Variants in SRPK2 observed in about 807,000 individuals in gnomAD.
The protein encoded by SRPK2 is SRSF protein kinase 2.
In SRPK2, 21 loss-of-function variants were observed where a neutral mutation model predicts 90.8. The ratio of observed to expected loss-of-function variants is 0.23; its 90% confidence interval spans 0.16 to 0.33. The LOEUF is 0.33. SRPK2 is among the 10% of genes least tolerant of loss of function. SRPK2 has a pLI of 1.00. For missense variants in SRPK2, 620 were observed against 869.0 expected, an observed-to-expected ratio of 0.71 and a Z score of 3.60; for synonymous variants, 288 against 311.1, an observed-to-expected ratio of 0.93 and a Z score of 0.78.
intron 15 of SRPK2, among the ~76,000 whole-genome samples, chr7:105,122,545 G>T (rs1315846488): frequency 6.6e-6 from 1 of 152,158 alleles, no homozygotes; most frequent in Non-Finnish European, 1.5e-5. Flanking sequence ...AGCATCAAAA[G>T]AATCTGTTGC....
At chr7:105,170,924 A>AAGGAG (rs1790927552) in intron 3 of SRPK2, among the ~76,000 whole-genome samples, 3 of 109,408 alleles carry the variant, frequency 2.7e-5, no homozygotes, top group Admixed American at 1.0e-4. Context: ...AGGAGAAAGA[A>AAGGAG]AAAGAAAAAG....
chr7:105,181,719 G>A (rs1187732049), intron 3 of SRPK2, among the ~76,000 whole-genome samples: 1 of 152,008 alleles, frequency 6.6e-6, no homozygotes, highest in Admixed American at 6.6e-5. Context: ...GCATACTTGA[G>A]GATGGAGGGT....
In SRPK2 at chr7:105,125,914, A is replaced by G. The variant is rs144730303; in HGVS notation, c.1915+334T>C. On this transcript the variant is annotated intron_variant, in intron 15 of 15. Transcript: ENST00000393651. The stretch of plus-strand genomic sequence containing the variant: ...ATTGCCAGCAAAACAGAAACACACG[A>G]CAGTTTAATCAGTACACTGCATGCA... 6.6e-5 allele frequency: 73 copies of G among 1,104,688 alleles called. No homozygotes were observed. The East Asian group carries it at 3.0e-3, about 45-fold the overall frequency. 68.4% of individuals were successfully genotyped at this position (1,104,688 alleles called of 1,614,324 possible).
chr7:105,154,876 T>C (rs1806268607), intron 7 of SRPK2, among the ~76,000 whole-genome samples: 2 of 151,898 alleles, frequency 1.3e-5, no homozygotes. Context: ...GGTTTCACCA[T>C]ATTGGTCAGG....
intron 13 of SRPK2, among the ~76,000 whole-genome samples, chr7:105,127,846 AATAAGCTAAATCCC>A (rs1385049156): frequency 2.6e-5 from 4 of 152,250 alleles, no homozygotes; most frequent in African/African-American, 9.6e-5. Flanking sequence ...AGAAAAAAAG[AATAAGCTAAATCCC>A]ATTTCTGGTT....
chr7:105,307,439 C>G (rs1398862157), intron 2 of SRPK2, among the ~76,000 whole-genome samples: 1 of 152,220 alleles, frequency 6.6e-6, no homozygotes, highest in Non-Finnish European at 1.5e-5. Flanking sequence ...TGAACAGAAT[C>G]ACTGACCAGC....
chr7:105,251,692 T>C (rs4730074), intron 2 of SRPK2, among the ~76,000 whole-genome samples: 143,926 of 152,320 alleles, frequency 0.94, 68,068 homozygotes, highest in African/African-American at 0.98. Context: ...TGTGCTGGTC[T>C]CAGGAAAAAG....
intron 2 of SRPK2, among the ~76,000 whole-genome samples, chr7:105,209,693 AAAAGG>A (rs1796624895): frequency 1.3e-5 from 2 of 152,088 alleles, no homozygotes; most frequent in Admixed American, 1.3e-4. Context: ...AGAAAAAAGA[AAAAGG>A]AAAGAGAAAG....
chr7:105,381,078 T>C (rs904759345), intron 2 of SRPK2, among the ~76,000 whole-genome samples: 17 of 149,636 alleles, frequency 1.1e-4, no homozygotes, highest in Admixed American at 6.7e-5. Context: ...CAGGCTCTAC[T>C]AAAAATACAA....
intron 2 of SRPK2, among the ~76,000 whole-genome samples, chr7:105,314,268 G>T (rs565567573): frequency 2.2e-4 from 33 of 152,052 alleles, no homozygotes; most frequent in Admixed American, 1.9e-3. Context: ...GGAGGCAGAG[G>T]TTACACTGAG....
intron 13 of SRPK2, among the ~76,000 whole-genome samples, chr7:105,131,843 G>A (rs572827623): frequency 2.6e-4 from 40 of 152,222 alleles, no homozygotes; most frequent in Middle Eastern, 3.4e-3. Flanking sequence ...AAGCAGTATG[G>A]AATAGGAAAA....
chr7:105,320,763 G>T (rs910077579), intron 2 of SRPK2, among the ~76,000 whole-genome samples: 1 of 151,958 alleles, frequency 6.6e-6, no homozygotes, highest in Non-Finnish European at 1.5e-5. Flanking sequence ...TGAAAAATCA[G>T]ACCTTGGCAA....
At chr7:105,250,306 C>T (rs1435146331) in intron 2 of SRPK2, among the ~76,000 whole-genome samples, 1 of 152,074 alleles carries the variant, frequency 6.6e-6, no homozygotes, top group Non-Finnish European at 1.5e-5. Flanking sequence ...TGCCATTACA[C>T]TCCAGCCTGG....
chr7:105,125,607 C>G (rs944446505), intron 15 of SRPK2, among the ~76,000 whole-genome samples: 11 of 152,200 alleles, frequency 7.2e-5, no homozygotes, highest in Admixed American at 7.2e-4. Flanking sequence ...TGTTCTCTTA[C>G]AAAATTCTTA....
At chr7:105,322,282 G>A (rs1191618545) in intron 2 of SRPK2, among the ~76,000 whole-genome samples, 2 of 152,028 alleles carry the variant, frequency 1.3e-5, no homozygotes, top group African/African-American at 2.4e-5. Context: ...CCGGGCATAG[G>A]GGCATGTGCC....
At chr7:105,233,091 A>AGAAGGAAG (rs60327841) in intron 2 of SRPK2, among the ~76,000 whole-genome samples, 11,598 of 91,564 alleles carry the variant, frequency 0.13, 962 homozygotes, top group Non-Finnish European at 0.16. Context: ...AAGGAAGGAA[A>AGAAGGAAG]GAAGGAAGGA....
chr7:105,338,080 TA>T lies in SRPK2; in HGVS notation c.71+50567del, dbSNP rs34625808. Among the ~76,000 whole-genome samples, 529 of 140,438 alleles carry T rather than the reference TA, an allele frequency of 3.8e-3. 1 individual carries two copies. Among genetic ancestry groups the T allele is most frequent in the African/African-American group, 4.9e-3 (186 of 37,852 alleles). The allele number at this position is 140,438 out of a possible 152,430, so 92.1% of individuals were successfully genotyped here. On this transcript the variant is annotated intron_variant, in intron 2 of 15. Coordinates refer to ENST00000393651, the MANE Select transcript of SRPK2 (RefSeq NM_182692.3). ...AAAAACTTTAAAAAAGAAAGAATAT[TA>T]AAAAAAAAAAAAACTTTTTCAATGT...
At chr7:105,343,935 G>C (rs963295812) in intron 2 of SRPK2, among the ~76,000 whole-genome samples, 1 of 151,840 alleles carries the variant, frequency 6.6e-6, no homozygotes, top group Non-Finnish European at 1.5e-5. Flanking sequence ...GCTAATTTTT[G>C]TATTATTAAT....
chr7:105,203,027 C>T (rs1006715679), intron 3 of SRPK2, among the ~76,000 whole-genome samples: 2 of 152,078 alleles, frequency 1.3e-5, no homozygotes, highest in Admixed American at 6.5e-5. Flanking sequence ...CTGGTTCTGC[C>T]GCCCAGGCTG....
Sources: allele counts gnomAD v4.1 joint callset (sites outside exome capture counted in the v4.1 genomes callset), GRCh38; gene constraint gnomAD v4.1.1; transcripts MANE v1.5; gene names NCBI Gene and HGNC (gene_info 2026-07-23, HGNC 2026-07-21).